Variants in TTN observed in about 807,000 individuals in gnomAD.
TTN encodes titin.
A neutral mutation model predicts 3,223.0 loss-of-function variants in TTN; 1,525 were observed. That is an observed-to-expected ratio of 0.47 (90% CI 0.45 to 0.49). The LOEUF is 0.49. Ranked by LOEUF, TTN falls within the 20% of genes least tolerant of loss-of-function variation. The pLI is 0.00. For synonymous variants in TTN, 14,094 were observed against 15,161.0 expected (o/e 0.93, Z 5.17); for missense variants, 40,786 against 43,424.0 (o/e 0.94, Z 5.40).
rs577262832 is a variant in TTN, at chr2:178,547,532, C to A, written c.94094G>T (p.Arg31365Leu). The change falls in exon 339 of 363, where the codon CGC (arginine) becomes CTC (leucine). Residue 31365 changes from arginine (R) to leucine (L), a missense_variant. By Grantham distance (102) the Arg-to-Leu change is moderately radical. Coordinates refer to ENST00000589042, the MANE Select transcript of TTN (RefSeq NM_001267550.2). ...AWQLVNSSVKRTQIKVTHLTK... is the reference protein window; with the variant it reads ...AWQLVNSSVKLTQIKVTHLTK... ...GAGATGAGTGACTTTAATTTGAGTG[C>A]GCTTGACACTGGAATTGACAAGCTG... is the stretch of plus-strand genomic sequence containing the variant. The A allele has an allele frequency of 1.2e-6, 2 of 1,613,630 alleles. No homozygotes were observed. Among genetic ancestry groups the A allele is most frequent in the Admixed American group, 1.7e-5 (1 of 59,994 alleles).
In TTN at chr2:178,587,379, C is replaced by A; in HGVS notation, c.63832G>T (p.Val21278Phe). The change falls in exon 307 of 363, where the codon GTC becomes TTC. Residue 21278 changes from valine (V) to phenylalanine (F), a missense_variant. Physicochemically the swap from Val to Phe is conservative, Grantham distance 50. Coordinates refer to ENST00000589042, the MANE Select transcript of TTN (RefSeq NM_001267550.2). ...GPVSDLKVSD[V>F]TKTSCHVSWA... Reference sequence around the variant, plus strand: ...GACACATGGCATGATGTTTTAGTGACATCTGAAACTTTTAAATCAGACACA... The same window carrying A: ...GACACATGGCATGATGTTTTAGTGAAATCTGAAACTTTTAAATCAGACACA... The A allele has an allele frequency of 1.9e-6, 3 of 1,611,402 alleles. No individual in the cohort carries two copies. The highest frequency in any genetic ancestry group is 2.5e-6 in the Non-Finnish European group (3 of 1,178,680).
At chr2:178,794,148 CT>C (rs755845712) in intron 8 of TTN, among the ~76,000 whole-genome samples, 1 of 148,888 alleles carries the variant, frequency 6.7e-6, no homozygotes. Context: ...CCATAGTTGA[CT>C]TTTGCCTGCT....
Position 178,707,748 on chromosome 2 carries a change from C to T in TTN, c.28819G>A (p.Val9607Met), listed in dbSNP as rs375807609. 84 of 1,613,870 alleles carry T rather than the reference C, an allele frequency of 5.2e-5. No individual in the cohort carries two copies. The East Asian group carries it at 5.3e-4, about 10-fold the overall frequency. ...TPVTVSEGEY[V>M]QLSCHVQGSE... ...CCCTGGACATGGCAGCTGAGCTGCA[C>T]GTATTCTCCTTCACTCACTGTTACT... is the stretch of plus-strand genomic sequence containing the variant. Residue 9607 changes from valine to methionine, a missense_variant, in exon 100 of 363, where the codon GTG (valine) becomes ATG (methionine). By Grantham distance (21) the Val-to-Met change is conservative. Transcript: ENST00000589042.
intron 9 of TTN, 83 bp from the exon 10 acceptor site, chr2:178,792,280 G>T: frequency 7.3e-7 from 1 of 1,374,990 alleles, no homozygotes; most frequent in Non-Finnish European, 9.9e-7. Flanking sequence ...AACAACATAG[G>T]AATTTGAAGA....
chr2:178,563,331 G>T lies in TTN; in HGVS notation c.82801C>A (p.Pro27601Thr). Residue 27601 changes from proline (P) to threonine (T), a missense_variant, in exon 326 of 363, where the codon CCT (proline) becomes ACT (threonine). Physicochemically the swap from Pro to Thr is conservative, Grantham distance 38. Coordinates refer to ENST00000589042, the MANE Select transcript of TTN (RefSeq NM_001267550.2). This position sits in a 1 kb window ranked among gnomAD's most constrained non-coding sequence, Gnocchi z 4.5. ...ACCTCTACAACATAGCCTTTAACAG[G>T]TGCGCCACCATCATAAATTGGCTTA... ...WSKPIYDGGA[P>T]VKGYVVEVKE... 1.2e-6 allele frequency: 2 copies of T among 1,613,574 alleles called. No individual in the cohort carries two copies. The highest frequency in any genetic ancestry group is 2.2e-5 in the East Asian group (1 of 44,766).
In TTN at chr2:178,575,970, G is replaced by A. The variant is rs781540455; in HGVS notation, c.70162C>T (p.Arg23388Ter). 7 of 1,611,130 alleles carry A rather than the reference G, an allele frequency of 4.3e-6. No individual in the cohort carries two copies. Among genetic ancestry groups the A allele is most frequent in the Non-Finnish European group, 5.9e-6 (7 of 1,177,802 alleles). Reference sequence around the variant, plus strand: ...GATTCCGTATTTTCAATGTTGGCTCGGTTTTTCAGGTTGATGTTATCTTTG... The same window carrying A: ...GATTCCGTATTTTCAATGTTGGCTCAGTTTTTCAGGTTGATGTTATCTTTG... Reference protein sequence around the residue: ...WTKDNINLKNRANIENTESFT... With the variant: ...WTKDNINLKN The change falls in exon 326 of 363, where the codon CGA (arginine) becomes TGA (stop). Residue 23388 changes from arginine to a stop codon, truncating the protein, a stop_gained. Transcript: ENST00000589042. LOFTEE classifies it high-confidence loss of function. The surrounding 1 kb of genome is among the most constrained non-coding windows in gnomAD (Gnocchi z 4.0).
rs765326523 is a variant in TTN at position 178,539,538 on chromosome 2, A to C, written c.98527T>G (p.Trp32843Gly). Residue 32843 changes from tryptophan to glycine, a missense_variant, in exon 352 of 363, where the codon TGG becomes GGG. Trp to Gly is a radical substitution (Grantham distance 184, BLOSUM62 -2). Transcript: ENST00000589042. ...CGGACTCTGGAATCAATGGTATACC[A>C]GGCGGCTTTAGGCACTTCTCGTCTC... ...LERREVPKAA[W>G]YTIDSRVRGT... is the part of the protein sequence containing the mutation. 6.2e-7 allele frequency: 1 copy of C among 1,613,790 alleles called. No individual in the cohort carries two copies. Among genetic ancestry groups the C allele is most frequent in the South Asian group, 1.1e-5 (1 of 91,084 alleles).
chr2:178,698,931 A>AT lies in TTN; in HGVS notation c.30683-18_30683-17insA. The AT allele has an allele frequency of 6.8e-7, 1 of 1,465,400 alleles. No individual in the cohort carries two copies. The highest frequency in any genetic ancestry group is 9.0e-7 in the Non-Finnish European group (1 of 1,109,758). The allele number at this position is 1,465,400 out of a possible 1,614,324, so 90.8% of individuals were successfully genotyped here. ...TTTTGGTAACTAAAAAAAAAAAAAA[A>AT]GAAAAAAAAAGAAAAAATATTTCTG... On this transcript the variant is annotated splice_polypyrimidine_tract_variant and intron_variant, in intron 111 of 362. Coordinates refer to ENST00000589042, the MANE Select transcript of TTN (RefSeq NM_001267550.2).
intron 138 of TTN, 48 bp downstream of exon 138, chr2:178,681,031 A>C: frequency 6.9e-7 from 1 of 1,440,528 alleles, no homozygotes; most frequent in Non-Finnish European, 9.5e-7. Flanking sequence ...CATTAATTTC[A>C]AAAGAGGCAT....
At position 178,527,647 on chromosome 2, in the gene TTN, T is replaced by C. The variant is rs765128381; in HGVS notation, c.107479A>G (p.Lys35827Glu). 6.2e-7 allele frequency: 1 copy of C among 1,613,948 alleles called. No individual in the cohort carries two copies. Among genetic ancestry groups the C allele is most frequent in the Non-Finnish European group, 8.5e-7 (1 of 1,179,828 alleles). Residue 35827 changes from lysine (K) to glutamate (E), a missense_variant, in exon 362 of 363, where the codon AAG becomes GAG. Coordinates refer to ENST00000589042, the MANE Select transcript of TTN (RefSeq NM_001267550.2). ...AAACTGCTGAAGGAGGCCTCCTGCT[T>C]GGAGGCAGACATTTGGACTGACTGA... ...SSQSVQMSASKQEASFSSFSS... is the reference protein window; with the variant it reads ...SSQSVQMSASEQEASFSSFSS...
chr2:178,531,461 C>T lies in TTN; in HGVS notation c.105154G>A (p.Val35052Ile), dbSNP rs751583336. 1.2e-6 allele frequency: 2 copies of T among 1,613,916 alleles called. No homozygotes were observed. Among genetic ancestry groups the T allele is most frequent in the South Asian group, 2.2e-5 (2 of 91,088 alleles). Reference sequence around the variant, plus strand: ...TCTGTTCTTGTCAGCTCAGGGAAAACAGATCTGGGGACCTCTTCATCTCTG... The same window carrying T: ...TCTGTTCTTGTCAGCTCAGGGAAAATAGATCTGGGGACCTCTTCATCTCTG... ...QRRDEEVPRS[V>I]FPELTRTEAY... Residue 35052 changes from valine (V) to isoleucine (I), a missense_variant, in exon 358 of 363, where the codon GTT becomes ATT. Val to Ile is a conservative substitution (Grantham distance 29, BLOSUM62 3). Coordinates refer to ENST00000589042, the MANE Select transcript of TTN (RefSeq NM_001267550.2).
At position 178,565,560 on chromosome 2, in the gene TTN, CATT is replaced by C. The variant is rs774518530; in HGVS notation, c.80569_80571del (p.Asn26857del). 1.2e-6 allele frequency: 2 copies of C among 1,613,592 alleles called. No individual in the cohort carries two copies. The highest frequency in any genetic ancestry group is 1.7e-6 in the Non-Finnish European group (2 of 1,179,620). On this transcript the variant is annotated inframe_deletion, in exon 326 of 363. Transcript: ENST00000589042. ...ACTCTTGGATCGCTTTTTCCTTTCT[CATT>C]ATAAGCCTTGACACGGAACTGATAT... is the stretch of plus-strand genomic sequence containing the variant.
At chr2:178,540,765 C>G (rs1458769704) in intron 350 of TTN, among the ~76,000 whole-genome samples, 1 of 152,018 alleles carries the variant, frequency 6.6e-6, no homozygotes, top group Admixed American at 6.6e-5. Context: ...CACTGCACTC[C>G]AGCCTGGGTG....
At chr2:178,652,204 T>C (rs2063125942) in intron 203 of TTN, 25 bp from the exon 204 acceptor site, 2 of 1,612,450 alleles carry the variant, frequency 1.2e-6, no homozygotes, top group South Asian at 1.1e-5. Context: ...ATTATTTTCA[T>C]TGTTAGACAA....
intron 13 of TTN, among the ~76,000 whole-genome samples, chr2:178,786,842 A>C (rs1418633545): frequency 2.6e-5 from 4 of 152,214 alleles, no homozygotes. Flanking sequence ...AACCTTTCAC[A>C]TTGAAGTTTA....
Position 178,784,365 on chromosome 2 carries a change from G to A in TTN, c.2494-14C>T. ...GGCTATTGATGCCTACATGGAAACA[G>A]AGTCAGAAAATAAAGTCATTTAACC... On this transcript the variant is annotated splice_polypyrimidine_tract_variant and intron_variant, in intron 15 of 362. Coordinates refer to ENST00000589042, the MANE Select transcript of TTN (RefSeq NM_001267550.2). 1 of 1,613,714 alleles carries A rather than the reference G, an allele frequency of 6.2e-7. No homozygotes were observed. The highest frequency in any genetic ancestry group is 8.5e-7 in the Non-Finnish European group (1 of 1,179,982).
chr2:178,630,172 T>C (rs1262407205), intron 239 of TTN, 69 bp downstream of exon 239: 2 of 1,599,016 alleles, frequency 1.3e-6, no homozygotes, highest in African/African-American at 2.7e-5. Context: ...TAGGTCCAAT[T>C]AATTTCACTC....
intron 99 of TTN, among the ~76,000 whole-genome samples, 191 bp downstream of exon 99, chr2:178,709,375 G>T (rs965941656): frequency 6.6e-6 from 1 of 152,040 alleles, no homozygotes; most frequent in Non-Finnish European, 1.5e-5. Context: ...CACCTCCTTC[G>T]GGAAGCCACA....
intron 60 of TTN, 42 bp from the exon 61 acceptor site, chr2:178,730,834 C>G: frequency 6.5e-7 from 1 of 1,536,490 alleles, no homozygotes; most frequent in Non-Finnish European, 8.7e-7. Flanking sequence ...AAAGGTCAAT[C>G]TACTAATTTG....
Sources: gnomAD v4.1 joint callset for allele counts (sites outside exome capture counted in the v4.1 genomes callset) on GRCh38, gnomAD v4.1.1 for gene constraint, Gnocchi (gnomAD v3.1) non-coding constraint, MANE v1.5 for transcripts, NCBI Gene and HGNC (gene_info 2026-07-23, HGNC 2026-07-21) for gene names.